ERCC1: variants seen among roughly 807,000 people sequenced by gnomAD.
ERCC1 encodes ERCC excision repair 1, endonuclease non-catalytic subunit.
Under a neutral mutation model 37.6 loss-of-function variants are expected in ERCC1, and 36 were observed. That is an observed-to-expected ratio of 0.96 (90% CI 0.73 to 1.26). The LOEUF (loss-of-function observed/expected upper bound fraction) is 1.26, where lower values mean the gene tolerates loss of function less well. Ranked by LOEUF, ERCC1 falls within the 50% of genes most tolerant of loss-of-function variation. The pLI is 0.00. For missense variants in ERCC1, 349 were observed against 376.5 expected (o/e 0.93, Z 0.60); for synonymous variants, 156 against 162.1 (o/e 0.96, Z 0.28).
chr19:45,433,462 G>A (rs556055733), intron 1 of ERCC1, among the ~76,000 whole-genome samples: 1 of 151,774 alleles, frequency 6.6e-6, no homozygotes, highest in Non-Finnish European at 1.5e-5. Flanking sequence ...GGAGGTGGAG[G>A]TTGCAGTGAG....
rs765443575 is a variant in ERCC1 at position 45,408,835 on chromosome 19, GAGAA to G, written c.*836_*839del. The stretch of plus-strand genomic sequence containing the variant: ...ACACAGTCCTGTCCCCGACCAAAAA[GAGAA>G]AGAGGCAAAAGGGGACGGAAGGGAT... On this transcript the variant is annotated 3_prime_UTR_variant, in exon 10 of 10. Coordinates refer to ENST00000300853, the MANE Select transcript of ERCC1 (RefSeq NM_001983.4). 8.7e-6 allele frequency: 14 copies of G among 1,614,030 alleles called. No individual in the cohort carries two copies. The highest frequency in any genetic ancestry group is 1.3e-5 in the African/African-American group (1 of 74,920).
intron 1 of ERCC1, among the ~76,000 whole-genome samples, chr19:45,438,180 G>T (rs536108243): frequency 1.6e-4 from 24 of 152,250 alleles, no homozygotes; most frequent in African/African-American, 5.8e-4. Flanking sequence ...AAAGTGCTGG[G>T]ATTACAGGCG....
At chr19:45,434,156 A>AC (rs548145676) in intron 1 of ERCC1, among the ~76,000 whole-genome samples, 38,493 of 91,222 alleles carry the variant, frequency 0.42, 6,991 homozygotes, top group East Asian at 0.64. Context: ...ACACACACAC[A>AC]AAAAAAAAAA....
At chr19:45,412,023 AT>A (rs947671887) in intron 9 of ERCC1, among the ~76,000 whole-genome samples, 3 of 149,032 alleles carry the variant, frequency 2.0e-5, no homozygotes, top group Non-Finnish European at 1.5e-5. Context: ...CACCCAGCTA[AT>A]TTTTTTTTGT....
chr19:45,414,235 C>T lies in ERCC1; in HGVS notation c.703-201G>A, dbSNP rs569254509. ...TCATGCCTAATAATCCCAGCACTTT[C>T]GAGGCCGAGGCGGGAGGATCACCTG... On this transcript the variant is annotated intron_variant, in intron 7 of 9. Transcript: ENST00000300853. 20 of 613,958 alleles carry T rather than the reference C, an allele frequency of 3.3e-5. No individual in the cohort carries two copies. In the East Asian group the frequency reaches 3.7e-4, roughly 11 times the overall value. 38.0% of individuals were successfully genotyped at this position (613,958 alleles called of 1,614,324 possible). A position where few individuals can be genotyped will look rare whatever the true frequency, so the allele number is the denominator to read the frequency against.
chr19:45,427,359 C>G (rs992055105), upstream of ERCC1, among the ~76,000 whole-genome samples: 1 of 152,072 alleles, frequency 6.6e-6, no homozygotes. Context: ...CCTGTAATCT[C>G]GGCACTTTGG....
At chr19:45,423,137 C>A in intron 2 of ERCC1, 133 bp downstream of exon 2, 2 of 838,030 alleles carry the variant, frequency 2.4e-6, no homozygotes, top group Middle Eastern at 4.7e-4. Flanking sequence ...TGGGGAGGAC[C>A]AAGGACTGTT....
At chr19:45,417,052 G>A (rs1419992003) in intron 5 of ERCC1, among the ~76,000 whole-genome samples, 155 bp from the exon 6 acceptor site, 4 of 151,824 alleles carry the variant, frequency 2.6e-5, no homozygotes, top group East Asian at 1.9e-4. Context: ...AGCCAAGATC[G>A]CGCCACTGCA....
At chr19:45,421,825 G>A (rs1170808745) in intron 2 of ERCC1, among the ~76,000 whole-genome samples, 3 of 151,884 alleles carry the variant, frequency 2.0e-5, no homozygotes, top group African/African-American at 7.3e-5. Flanking sequence ...TAGAGACAGG[G>A]TTTCAACATG....
In ERCC1 at chr19:45,421,255, G is replaced by T. The variant is rs752882979; in HGVS notation, c.244C>A (p.Pro82Thr). 2 of 1,614,160 alleles carry T rather than the reference G, an allele frequency of 1.2e-6. No individual in the cohort carries two copies. The highest frequency in any genetic ancestry group is 8.5e-7 in the Non-Finnish European group (1 of 1,180,010). Residue 82 changes from proline to threonine, a missense_variant, in exon 3 of 10, where the codon CCC (proline) becomes ACC (threonine). Pro to Thr is a conservative substitution (Grantham distance 38). Transcript: ENST00000300853. Reference sequence around the variant, plus strand: ...TGGTTGGGCGTCTCTCCTGCCAGGGGCTCTGACCCTGTGGGGCACGTGGCC... The same window carrying T: ...TGGTTGGGCGTCTCTCCTGCCAGGGTCTCTGACCCTGTGGGGCACGTGGCC... ...AGATCPTGSEPLAGETPNQAL... is the reference protein window; with the variant it reads ...AGATCPTGSETLAGETPNQAL...
chr19:45,445,190 T>C (rs898252140), intron 1 of ERCC1, among the ~76,000 whole-genome samples: 1 of 152,194 alleles, frequency 6.6e-6, no homozygotes, highest in African/African-American at 2.4e-5. Context: ...CTATTTCTTG[T>C]ATTTTTAGTA....
Position 45,423,835 on chromosome 19 carries a change from G to C in ERCC1, c.-62C>G. 2.5e-5 allele frequency: 28 copies of C among 1,137,748 alleles called. No individual in the cohort carries two copies. The highest frequency in any genetic ancestry group is 3.0e-5 in the Non-Finnish European group (28 of 919,496). The allele number at this position is 1,137,748 out of a possible 1,614,324, so 70.5% of individuals were successfully genotyped here. A position where few individuals can be genotyped will look rare whatever the true frequency, so the allele number is the denominator to read the frequency against. ...CGCGAGGCCTCACCTGCTGGTCTTG[G>C]AGCCTCAAGGGAAAGACTGCAGAGG... On this transcript the variant is annotated 5_prime_UTR_variant, in exon 1 of 10. Transcript: ENST00000300853.
chr19:45,434,223 G>A (rs1464828439), intron 1 of ERCC1, among the ~76,000 whole-genome samples: 1 of 150,300 alleles, frequency 6.7e-6, no homozygotes, highest in Non-Finnish European at 1.5e-5. Flanking sequence ...GCTCACACCT[G>A]TAATCCCAGC....
chr19:45,414,477 A>C, intron 7 of ERCC1: 1 of 106,758 alleles, frequency 9.4e-6, no homozygotes, highest in Non-Finnish European at 1.9e-5. Context: ...ACTCCATCTC[A>C]AAAAAAAAAA....
rs1362706930 is a variant in ERCC1 at position 45,408,742 on chromosome 19, G to C, written c.*933C>G. ...CCAAGAAGAGGAAGAAGCCCAAAGG[G>C]AAAGAAACCTTCGAGCCAGAAGACA... On this transcript the variant is annotated 3_prime_UTR_variant, in exon 10 of 10. Transcript: ENST00000300853. 1.2e-6 allele frequency: 2 copies of C among 1,613,878 alleles called. No individual in the cohort carries two copies. Among genetic ancestry groups the C allele is most frequent in the South Asian group, 1.1e-5 (1 of 91,040 alleles).
Position 45,416,809 on chromosome 19 carries a change from C to T in ERCC1, c.602+12G>A, listed in dbSNP as rs747489598. 4 of 1,606,900 alleles carry T rather than the reference C, an allele frequency of 2.5e-6. No homozygotes were observed. In the Admixed American group the frequency reaches 5.0e-5, roughly 20 times the overall value. ...GTGGAGCCTGAATGAGGCAGGGAAG[C>T]CCTCATCTCACCTCCAGGCGAGGAT... is the stretch of plus-strand genomic sequence containing the variant. On this transcript the variant is annotated intron_variant, in intron 6 of 9. Coordinates refer to ENST00000300853, the MANE Select transcript of ERCC1 (RefSeq NM_001983.4).
intron 1 of ERCC1, among the ~76,000 whole-genome samples, chr19:45,434,060 C>G (rs1032893318): frequency 6.7e-6 from 1 of 148,636 alleles, no homozygotes; most frequent in Non-Finnish European, 1.5e-5. Context: ...AGGAGAATCA[C>G]TTGAACCCGA....
At chr19:45,450,319 A>G (rs1235216220) in intron 1 of ERCC1, among the ~76,000 whole-genome samples, 1 of 152,194 alleles carries the variant, frequency 6.6e-6, no homozygotes, top group Non-Finnish European at 1.5e-5. Context: ...CTCCCGCCTT[A>G]TATCTTTTCT....
chr19:45,413,969 T>C lies in ERCC1; in HGVS notation c.768A>G (p.Thr256=), dbSNP rs918984898. The change falls in exon 8 of 10, where the codon ACA becomes ACG. Residue 256 remains threonine, a synonymous_variant. Transcript: ENST00000300853. Reference sequence around the variant, plus strand: ...CAGGGGAGCCATTCCTTACTCCAAATGTGGTCAGGAGGGTCTGACTGTCCG... The same window carrying C: ...CAGGGGAGCCATTCCTTACTCCAAACGTGGTCAGGAGGGTCTGACTGTCCG... The part of the protein sequence containing the change: ...NKTDSQTLLT[T]FGSLEQLIAA... The C allele has an allele frequency of 6.2e-7, 1 of 1,612,646 alleles. No individual in the cohort carries two copies. Among genetic ancestry groups the C allele is most frequent in the Middle Eastern group, 1.7e-4 (1 of 6,052 alleles).
Sources: allele counts gnomAD v4.1 joint callset (sites outside exome capture counted in the v4.1 genomes callset), GRCh38; gene constraint gnomAD v4.1.1; transcripts MANE v1.5; gene names NCBI Gene and HGNC (gene_info 2026-07-23, HGNC 2026-07-21).